Variants in FRMD4A observed in about 807,000 individuals in gnomAD.
FRMD4A encodes FERM domain containing 4A.
A neutral mutation model predicts 129.1 loss-of-function variants in FRMD4A; 29 were observed. The observed-to-expected ratio is 0.22, with a 90% CI of 0.17 to 0.31. FRMD4A has a LOEUF of 0.31. Ranked by LOEUF, FRMD4A falls within the 10% of genes least tolerant of loss-of-function variation. The pLI is 1.00. For synonymous variants in FRMD4A, 634 were observed against 571.6 expected (o/e 1.11, Z -1.56); for missense variants, 1,272 against 1,375.8 (o/e 0.92, Z 1.19).
Position 13,662,115 on chromosome 10 carries a change from T to A in FRMD4A, c.1660+1338A>T, listed in dbSNP as rs191328793. On this transcript the variant is annotated intron_variant, in intron 19 of 24. Transcript: ENST00000357447. ...CCTATTGCTCCAGGCACCCCTCTAC[T>A]ACCAAGGAATCTCTCAATTTTTCTT... is the stretch of plus-strand genomic sequence containing the variant. Among the ~76,000 whole-genome samples the A allele has an allele frequency of 5.9e-5, 9 of 152,280 alleles. No individual in the cohort carries two copies. The East Asian group carries it at 1.7e-3, about 29-fold the overall frequency.
chr10:14,037,573 T>A (rs543578931), intron 2 of FRMD4A, among the ~76,000 whole-genome samples: 9 of 152,326 alleles, frequency 5.9e-5, no homozygotes, highest in African/African-American at 1.9e-4. Context: ...ACTAATTCAA[T>A]GTGAAAATGT....
In FRMD4A at chr10:14,182,999, G is replaced by A. The variant is rs112383648; in HGVS notation, c.45+147059C>T. The stretch of plus-strand genomic sequence containing the variant: ...TAGGATGTTGGTGCGTGGGGCTGTC[G>A]TAAGCAGGATGGGGTGGAGATGTGT... On this transcript the variant is annotated intron_variant, in intron 2 of 24. Transcript: ENST00000357447. 1.4e-4 allele frequency among the ~76,000 whole-genome samples: 22 copies of A among 152,246 alleles called. 2 individuals are homozygous for A. Among genetic ancestry groups the A allele is most frequent in the African/African-American group, 3.1e-4 (13 of 41,540 alleles).
intron 2 of FRMD4A, among the ~76,000 whole-genome samples, chr10:13,871,796 C>T (rs941395858): frequency 2.6e-5 from 4 of 152,216 alleles, no homozygotes; most frequent in Admixed American, 6.5e-5. Flanking sequence ...TCCAGGCACA[C>T]ATCCCACTCC....
chr10:14,176,529 C>T (rs1187197467), intron 2 of FRMD4A, among the ~76,000 whole-genome samples: 1 of 129,534 alleles, frequency 7.7e-6, no homozygotes, highest in Non-Finnish European at 1.5e-5. Flanking sequence ...GGCTGGAGTG[C>T]AATGGCGCAA....
intron 2 of FRMD4A, among the ~76,000 whole-genome samples, chr10:14,170,603 G>A (rs1247815878): frequency 6.6e-6 from 1 of 152,180 alleles, no homozygotes; most frequent in Non-Finnish European, 1.5e-5. Context: ...CCATATTGGA[G>A]TATTCAGAAA....
intron 23 of FRMD4A, 74 bp from the exon 24 acceptor site, chr10:13,652,048 A>G (rs890340726): frequency 1.2e-6 from 1 of 825,578 alleles, no homozygotes; most frequent in Non-Finnish European, 2.2e-6. Context: ...AGACACAGAC[A>G]CGATTAGTAG....
At chr10:13,946,101 G>A (rs2095329444) in intron 2 of FRMD4A, among the ~76,000 whole-genome samples, 1 of 152,220 alleles carries the variant, frequency 6.6e-6, no homozygotes, top group South Asian at 2.1e-4. Context: ...GGGATCAAAA[G>A]GGGGACAATC....
chr10:13,945,420 C>A (rs576480551), intron 2 of FRMD4A, among the ~76,000 whole-genome samples: 115 of 152,254 alleles, frequency 7.6e-4, no homozygotes, highest in Non-Finnish European at 1.5e-3. Context: ...AAGGGGCTTA[C>A]AACCAGAATG....
At chr10:13,648,056 C>A (rs1242797247) in intron 24 of FRMD4A, 1 of 152,174 alleles carries the variant, frequency 6.6e-6, no homozygotes, top group East Asian at 1.9e-4. Context: ...TCATCCCCAG[C>A]TTTCTATTTC....
intron 2 of FRMD4A, among the ~76,000 whole-genome samples, chr10:14,267,138 G>A (rs921112237): frequency 1.3e-5 from 2 of 152,202 alleles, no homozygotes; most frequent in Non-Finnish European, 2.9e-5. Flanking sequence ...AGAGTCTATG[G>A]CTGAAGAGAA....
At chr10:13,878,666 T>C (rs748446574) in intron 2 of FRMD4A, among the ~76,000 whole-genome samples, 1 of 151,680 alleles carries the variant, frequency 6.6e-6, no homozygotes, top group Non-Finnish European at 1.5e-5. Context: ...GGCAGAAGAA[T>C]CACTTGAACC....
intron 2 of FRMD4A, among the ~76,000 whole-genome samples, chr10:14,235,568 G>T (rs1843783389): frequency 6.6e-6 from 1 of 152,142 alleles, no homozygotes; most frequent in Non-Finnish European, 1.5e-5. Context: ...CTATCCATTT[G>T]TTACTTCAAT....
intron 2 of FRMD4A, among the ~76,000 whole-genome samples, chr10:14,267,965 G>A (rs768608025): frequency 2.4e-4 from 36 of 152,122 alleles, no homozygotes; most frequent in Non-Finnish European, 3.1e-4. Flanking sequence ...CTTTGGTGTA[G>A]TCATTCATTA....
chr10:13,947,631 T>C (rs1329239010), intron 2 of FRMD4A, among the ~76,000 whole-genome samples: 6 of 150,354 alleles, frequency 4.0e-5, no homozygotes, highest in African/African-American at 9.8e-5. Context: ...CACACACACA[T>C]ATATATACAC....
intron 2 of FRMD4A, among the ~76,000 whole-genome samples, chr10:14,131,297 T>A (rs1839236079): frequency 6.6e-6 from 1 of 152,138 alleles, no homozygotes; most frequent in South Asian, 2.1e-4. Flanking sequence ...TGCAGAAGCT[T>A]CATTTGTTGA....
At chr10:13,897,260 G>C (rs908438596) in intron 2 of FRMD4A, among the ~76,000 whole-genome samples, 3 of 152,216 alleles carry the variant, frequency 2.0e-5, no homozygotes, top group Non-Finnish European at 4.4e-5. Flanking sequence ...GTGTTTTGCT[G>C]TCCTTGCTGG....
At chr10:14,292,050 G>C (rs986538999) in intron 2 of FRMD4A, among the ~76,000 whole-genome samples, 1 of 152,076 alleles carries the variant, frequency 6.6e-6, no homozygotes, top group Non-Finnish European at 1.5e-5. Context: ...AAAGACTACA[G>C]AGACCTAAAT....
At chr10:13,865,136 A>T (rs1242115883) in intron 2 of FRMD4A, among the ~76,000 whole-genome samples, 1 of 152,102 alleles carries the variant, frequency 6.6e-6, no homozygotes, top group African/African-American at 2.4e-5. Flanking sequence ...ATCCAACATG[A>T]CCAGCTTACC....
chr10:13,967,503 C>T (rs2095492731), intron 2 of FRMD4A, among the ~76,000 whole-genome samples: 2 of 152,168 alleles, frequency 1.3e-5, no homozygotes, highest in South Asian at 2.1e-4. Context: ...ATGTAACTAA[C>T]ACCACCTGTT....
Sources: allele counts gnomAD v4.1 joint callset (sites outside exome capture counted in the v4.1 genomes callset), GRCh38; gene constraint gnomAD v4.1.1; transcripts MANE v1.5; gene names NCBI Gene and HGNC (gene_info 2026-07-23, HGNC 2026-07-21).